Variants in ITSN2 observed in about 807,000 individuals in gnomAD.
The protein encoded by ITSN2 is intersectin 2, also known as intersectin-2.
Under a neutral mutation model 243.7 loss-of-function variants are expected in ITSN2, and 156 were observed. The ratio of observed to expected loss-of-function variants is 0.64; its 90% CI spans 0.56 to 0.73. The LOEUF is 0.73. Ranked by LOEUF, ITSN2 falls within the 30% of genes least tolerant of loss-of-function variation. ITSN2 has a pLI of 0.00. For missense variants in ITSN2, 1,801 were observed against 1,996.1 expected, an observed-to-expected ratio of 0.90 and a Z score of 1.86; for synonymous variants, 703 against 699.9, an observed-to-expected ratio of 1.00 and a Z score of -0.07.
intron 35 of ITSN2, 150 bp from the exon 36 acceptor site, chr2:24,209,371 A>C: frequency 1.2e-6 from 1 of 839,764 alleles, no homozygotes; most frequent in Non-Finnish European, 1.8e-6. Context: ...AGAACAAATG[A>C]AACCTCCATT....
At chr2:24,332,516 C>T (rs1308940202) in intron 1 of ITSN2, among the ~76,000 whole-genome samples, 1 of 152,072 alleles carries the variant, frequency 6.6e-6, no homozygotes, top group Non-Finnish European at 1.5e-5. Flanking sequence ...TCTTTATCAT[C>T]TGGTATGTGG....
chr2:24,248,935 A>G (rs1673759542), intron 25 of ITSN2, 53 bp from the exon 26 acceptor site: 2 of 1,521,322 alleles, frequency 1.3e-6, no homozygotes, highest in Admixed American at 1.7e-5. Context: ...TCCAAATGTA[A>G]AAGTATAAAG....
rs529145055 is a variant in ITSN2, at chr2:24,315,818, G to A, written c.32-594C>T. On this transcript the variant is annotated intron_variant, in intron 2 of 39. Coordinates refer to ENST00000355123, the MANE Select transcript of ITSN2 (RefSeq NM_006277.3). Reference sequence around the variant, plus strand: ...TTAAGATGTGCTTTGCATCCCCTTCGCCTTACACCTTAAGTTTCCTGAGGC... The same window carrying A: ...TTAAGATGTGCTTTGCATCCCCTTCACCTTACACCTTAAGTTTCCTGAGGC... Among the ~76,000 whole-genome samples, 61 of 152,166 alleles carry A rather than the reference G, an allele frequency of 4.0e-4. No individual in the cohort carries two copies. In the South Asian group the frequency reaches 7.5e-3, roughly 19 times the overall value.
chr2:24,352,506 T>C lies in ITSN2; in HGVS notation c.-34+7798A>G, dbSNP rs371853001. On this transcript the variant is annotated intron_variant, in intron 1 of 39. Transcript: ENST00000355123. ...ATCTAGAGGCTTAGGGTCCCAAATA[T>C]ACAAAGCATTAAGACCTAAAAGCCT... Among the ~76,000 whole-genome samples, 13 of 152,322 alleles carry C rather than the reference T, an allele frequency of 8.5e-5. No individual in the cohort carries two copies. In the East Asian group the frequency reaches 1.3e-3, roughly 16 times the overall value.
At chr2:24,355,353 CA>C (rs1203939707) in intron 1 of ITSN2, among the ~76,000 whole-genome samples, 1 of 152,126 alleles carries the variant, frequency 6.6e-6, no homozygotes, top group African/African-American at 2.4e-5. Flanking sequence ...ACACAGTAAC[CA>C]AAACAGCATG....
intron 37 of ITSN2, chr2:24,206,172 G>A: frequency 2.8e-6 from 1 of 360,356 alleles, no homozygotes; most frequent in Non-Finnish European, 5.6e-6. Flanking sequence ...ATCAATCATT[G>A]ATTTTTCAAC....
At chr2:24,302,961 G>A (rs2891380) in intron 9 of ITSN2, among the ~76,000 whole-genome samples, 29,191 of 152,118 alleles carry the variant, frequency 0.19, 3,252 homozygotes, top group Non-Finnish European at 0.26. Flanking sequence ...CACTGTAGCT[G>A]TCATAAAGCA....
chr2:24,271,718 T>C lies in ITSN2; in HGVS notation c.2257+48A>G, dbSNP rs199803037. On this transcript the variant is annotated intron_variant, in intron 19 of 39. Coordinates refer to ENST00000355123, the MANE Select transcript of ITSN2 (RefSeq NM_006277.3). ...TTTTTTGTCTCTTATCAGGTCATTT[T>C]TTTCTTGTTGCATTTGTTCTACTGT... is the stretch of plus-strand genomic sequence containing the variant. The C allele has an allele frequency of 5.5e-5, 81 of 1,464,884 alleles. No homozygotes were observed. In the African/African-American group the frequency reaches 1.1e-3, roughly 19 times the overall value. The allele number at this position is 1,464,884 out of a possible 1,614,324, so 90.7% of individuals were successfully genotyped here. A position where few individuals can be genotyped will look rare whatever the true frequency, so the allele number is the denominator to read the frequency against.
chr2:24,233,435 A>C (rs888156735), intron 29 of ITSN2, among the ~76,000 whole-genome samples: 2 of 152,084 alleles, frequency 1.3e-5, no homozygotes, highest in Non-Finnish European at 2.9e-5. Context: ...GGATTCATTT[A>C]AAGCAGTTAA....
chr2:24,328,790 A>G (rs1357996096), intron 1 of ITSN2, among the ~76,000 whole-genome samples: 1 of 152,214 alleles, frequency 6.6e-6, no homozygotes, highest in Non-Finnish European at 1.5e-5. Context: ...AAAACTCCCA[A>G]ACAAGAAAAA....
rs537159454 is a variant in ITSN2 at position 24,326,210 on chromosome 2, G to T, written c.31+1842C>A. Among the ~76,000 whole-genome samples the T allele has an allele frequency of 2.8e-4, 42 of 152,192 alleles. No individual in the cohort carries two copies. The East Asian group carries it at 7.7e-3, about 28-fold the overall frequency. On this transcript the variant is annotated intron_variant, in intron 2 of 39. Coordinates refer to ENST00000355123, the MANE Select transcript of ITSN2 (RefSeq NM_006277.3). ...AGAAGTTTAAAAAAAATTACTATCT[G>T]TATGCCTATATAGCACTTCTAAATG...
At chr2:24,212,163 G>A (rs1038160682) in intron 33 of ITSN2, among the ~76,000 whole-genome samples, 1 of 152,166 alleles carries the variant, frequency 6.6e-6, no homozygotes, top group East Asian at 1.9e-4. Context: ...TGTTGAAGCC[G>A]AATACAGCGA....
chr2:24,205,637 C>T (rs906420245), intron 37 of ITSN2: 3 of 279,556 alleles, frequency 1.1e-5, no homozygotes, highest in Non-Finnish European at 2.1e-5. Flanking sequence ...GGTCTGAAAT[C>T]GTGTGTAATG....
At chr2:24,274,827 T>C (rs1050464783) in intron 18 of ITSN2, among the ~76,000 whole-genome samples, 3 of 152,140 alleles carry the variant, frequency 2.0e-5, no homozygotes, top group Non-Finnish European at 4.4e-5. Flanking sequence ...ATCTACTCTT[T>C]ACCAAGGCAA....
chr2:24,307,663 A>G (rs1306478468), intron 8 of ITSN2, among the ~76,000 whole-genome samples: 2 of 152,220 alleles, frequency 1.3e-5, no homozygotes, highest in East Asian at 3.8e-4. Context: ...ATCTTTAAAT[A>G]AAATACTGTA....
intron 20 of ITSN2, among the ~76,000 whole-genome samples, chr2:24,267,936 T>C (rs1676875774): frequency 6.6e-6 from 1 of 152,202 alleles, no homozygotes; most frequent in African/African-American, 2.4e-5. Flanking sequence ...TCTCGTTCAT[T>C]TATTCTGTAG....
chr2:24,344,279 C>CAT (rs1574385262), intron 1 of ITSN2, among the ~76,000 whole-genome samples: 1 of 152,172 alleles, frequency 6.6e-6, no homozygotes, highest in East Asian at 1.9e-4. Context: ...TCCTCATCCT[C>CAT]ATATATATAC....
At chr2:24,353,131 C>G (rs1398334396) in intron 1 of ITSN2, among the ~76,000 whole-genome samples, 1 of 152,018 alleles carries the variant, frequency 6.6e-6, no homozygotes, top group Non-Finnish European at 1.5e-5. Context: ...TGAAAACAAA[C>G]TTAAAAGGTA....
intron 2 of ITSN2, among the ~76,000 whole-genome samples, chr2:24,327,487 T>C (rs970214956): frequency 2.6e-5 from 4 of 151,926 alleles, no homozygotes; most frequent in African/African-American, 4.8e-5. Context: ...TTAGTAGAGA[T>C]TGGGTTTCAC....
Sources: allele counts gnomAD v4.1 joint callset (sites outside exome capture counted in the v4.1 genomes callset), GRCh38; gene constraint gnomAD v4.1.1; transcripts MANE v1.5; gene names NCBI Gene and HGNC (gene_info 2026-07-23, HGNC 2026-07-21).